Variants in RPS6KC1 observed in about 807,000 individuals in gnomAD.
The protein encoded by RPS6KC1 is ribosomal protein S6 kinase C1, also known as inactive ribosomal protein S6 kinase delta-1.
A neutral mutation model predicts 103.8 loss-of-function variants in RPS6KC1; 54 were observed. The ratio of observed to expected loss-of-function variants is 0.52; its 90% confidence interval spans 0.42 to 0.65. The LOEUF is 0.65. Among genes scored for constraint, RPS6KC1 ranks in the 30% least tolerant of loss-of-function variants. The pLI, the probability that RPS6KC1 is intolerant of heterozygous loss-of-function variation, is 0.00. For missense variants in RPS6KC1, 1,151 were observed against 1,253.8 expected (o/e 0.92, Z 1.24); for synonymous variants, 439 against 438.7 (o/e 1.00, Z -0.01).
At chr1:213,556,267 A>C in the RPS6KC1 span, among the ~76,000 whole-genome samples, 2 of 152,226 alleles carry the variant, frequency 1.3e-5, no homozygotes, top group African/African-American at 4.8e-5. Flanking sequence ...GACTGGGATC[A>C]AAAAAGGTGG....
chr1:213,574,083 T>C, the RPS6KC1 span, among the ~76,000 whole-genome samples: 175 of 152,332 alleles, frequency 1.1e-3, no homozygotes, highest in Middle Eastern at 6.8e-3. Context: ...ACCTAAATGC[T>C]GAGTTCAATA....
chr1:213,782,882 G>A, the RPS6KC1 span, among the ~76,000 whole-genome samples: 78 of 152,182 alleles, frequency 5.1e-4, no homozygotes, highest in Non-Finnish European at 9.7e-4. Context: ...CACATGGGAC[G>A]CAGACAGGCT....
chr1:213,574,111 G>A, the RPS6KC1 span, among the ~76,000 whole-genome samples: 1 of 152,230 alleles, frequency 6.6e-6, no homozygotes, highest in Non-Finnish European at 1.5e-5. Context: ...GGCAGAAACA[G>A]GGCAAGTTAG....
the RPS6KC1 span, among the ~76,000 whole-genome samples, chr1:213,797,797 AC>A: frequency 6.6e-6 from 1 of 152,240 alleles, no homozygotes; most frequent in South Asian, 2.1e-4. Flanking sequence ...ATGATGGAAA[AC>A]CTGGTAGGCT....
the RPS6KC1 span, among the ~76,000 whole-genome samples, chr1:213,372,284 A>T: frequency 6.6e-6 from 1 of 152,202 alleles, no homozygotes; most frequent in Non-Finnish European, 1.5e-5. Context: ...ATGGTTGTTG[A>T]CAAGCATAAG....
the RPS6KC1 span, among the ~76,000 whole-genome samples, chr1:213,657,442 ATTAT>A: frequency 1.3e-5 from 2 of 152,126 alleles, no homozygotes; most frequent in East Asian, 1.9e-4. Context: ...AAATAATGTA[ATTAT>A]TTAATTATTT....
At chr1:213,738,108 A>C in the RPS6KC1 span, among the ~76,000 whole-genome samples, 1 of 152,176 alleles carries the variant, frequency 6.6e-6, no homozygotes, top group Non-Finnish European at 1.5e-5. Flanking sequence ...CCTAAAAACA[A>C]CCAGACTAGC....
chr1:213,645,845 C>T, the RPS6KC1 span, among the ~76,000 whole-genome samples: 3 of 152,170 alleles, frequency 2.0e-5, no homozygotes, highest in Non-Finnish European at 4.4e-5. Context: ...AGATGCCTGA[C>T]CCGCTGCTCC....
At chr1:213,745,903 G>A in the RPS6KC1 span, among the ~76,000 whole-genome samples, 2 of 152,170 alleles carry the variant, frequency 1.3e-5, no homozygotes, top group Admixed American at 1.3e-4. Context: ...CTCCTCTCCT[G>A]TACCCGGGAC....
the RPS6KC1 span, among the ~76,000 whole-genome samples, chr1:213,333,723 A>G: frequency 2.6e-5 from 4 of 152,168 alleles, no homozygotes; most frequent in Admixed American, 2.6e-4. Flanking sequence ...CAGTGGTACA[A>G]TCTCGGCTCA....
chr1:213,137,752 G>GCGCT (rs1553340080), intron 6 of RPS6KC1, among the ~76,000 whole-genome samples: 4 of 12,202 alleles, frequency 3.3e-4, no homozygotes, highest in African/African-American at 5.5e-4. Context: ...AGTCCAGTTT[G>GCGCT]CTCTCTCTCT....
the RPS6KC1 span, among the ~76,000 whole-genome samples, chr1:213,626,848 G>A: frequency 6.6e-6 from 1 of 152,238 alleles, no homozygotes; most frequent in Non-Finnish European, 1.5e-5. Context: ...TATGGTTGAA[G>A]CCAGGTAGCG....
At chr1:213,658,559 A>C in the RPS6KC1 span, among the ~76,000 whole-genome samples, 1 of 152,220 alleles carries the variant, frequency 6.6e-6, no homozygotes, top group Non-Finnish European at 1.5e-5. Context: ...AGAAATCTAG[A>C]GGCAAGACAG....
chr1:213,582,885 C>T, the RPS6KC1 span, among the ~76,000 whole-genome samples: 1 of 152,132 alleles, frequency 6.6e-6, no homozygotes, highest in Non-Finnish European at 1.5e-5. Context: ...GTCATCAGCC[C>T]CAGAAGCTTC....
the RPS6KC1 span, among the ~76,000 whole-genome samples, chr1:213,812,610 T>G: frequency 2.0e-5 from 3 of 152,204 alleles, no homozygotes; most frequent in African/African-American, 7.2e-5. Context: ...CTGGTTCCCA[T>G]TGGACACCCT....
chr1:213,459,460 A>T, the RPS6KC1 span, among the ~76,000 whole-genome samples: 4 of 151,776 alleles, frequency 2.6e-5, no homozygotes, highest in Admixed American at 2.0e-4. Context: ...ATCACTTCTT[A>T]TGGTGTCTAT....
the RPS6KC1 span, among the ~76,000 whole-genome samples, chr1:213,576,485 G>T: frequency 1.3e-5 from 2 of 150,518 alleles, no homozygotes; most frequent in African/African-American, 4.9e-5. Context: ...TCACATTTTG[G>T]TAATTATTAT....
chr1:213,137,752 G>GCT (rs149436919), intron 6 of RPS6KC1, among the ~76,000 whole-genome samples: 240 of 12,178 alleles, frequency 0.02, 10 homozygotes, highest in Middle Eastern at 0.1. Context: ...AGTCCAGTTT[G>GCT]CTCTCTCTCT....
At chr1:213,382,839 T>C in the RPS6KC1 span, among the ~76,000 whole-genome samples, 1 of 152,246 alleles carries the variant, frequency 6.6e-6, no homozygotes. Context: ...AGTGCTTGCC[T>C]GGTGCCTAGC....
Sources: gnomAD v4.1 joint callset for allele counts (sites outside exome capture counted in the v4.1 genomes callset) on GRCh38, gnomAD v4.1.1 for gene constraint, MANE v1.5 for transcripts, NCBI Gene and HGNC (gene_info 2026-07-23, HGNC 2026-07-21) for gene names.